Variants in NFATC1 observed in about 807,000 individuals in gnomAD.
NFATC1 encodes the protein nuclear factor of activated T cells 1, also known as nuclear factor of activated T-cells, cytoplasmic 1.
In NFATC1, 22 loss-of-function variants were observed where a neutral mutation model predicts 76.0. The observed-to-expected ratio is 0.29, with a 90% CI of 0.21 to 0.41. The LOEUF (loss-of-function observed/expected upper bound fraction) is 0.41. Among genes scored for constraint, NFATC1 ranks in the 10% least tolerant of loss-of-function variants. NFATC1 has a pLI of 1.00. For synonymous variants in NFATC1, 704 were observed against 613.1 expected, an observed-to-expected ratio of 1.15 and a Z score of -2.19; for missense variants, 1,357 against 1,337.7, an observed-to-expected ratio of 1.01 and a Z score of -0.23.
chr18:79,484,652 A>G (rs544490266), intron 8 of NFATC1, among the ~76,000 whole-genome samples: 1 of 152,346 alleles, frequency 6.6e-6, no homozygotes, highest in African/African-American at 2.4e-5. Flanking sequence ...CACAAAAGCA[A>G]CAAAATGCAG....
intron 8 of NFATC1, chr18:79,469,629 C>G: frequency 2.0e-6 from 2 of 985,960 alleles, no homozygotes; most frequent in Non-Finnish European, 2.4e-6. Flanking sequence ...CCCAGTGTCT[C>G]GGCTGCACCC....
At chr18:79,456,470 G>A (rs1435535420) in intron 6 of NFATC1, among the ~76,000 whole-genome samples, 1 of 152,208 alleles carries the variant, frequency 6.6e-6, no homozygotes, top group East Asian at 1.9e-4. Context: ...CGAGGCCCCT[G>A]CAGGCCCCGA....
At chr18:79,407,992 CT>C (rs10710744) in intron 1 of NFATC1, among the ~76,000 whole-genome samples, 80,329 of 151,994 alleles carry the variant, frequency 0.53, 21,841 homozygotes, top group East Asian at 0.83. Flanking sequence ...AGCTCTGTTT[CT>C]TTTCTCTTTG....
intron 9 of NFATC1, among the ~76,000 whole-genome samples, chr18:79,513,658 G>A (rs838055): frequency 1.3e-5 from 2 of 152,186 alleles, no homozygotes; most frequent in African/African-American, 2.4e-5. Flanking sequence ...GCATGGGGGC[G>A]GTTTCCCTTG....
chr18:79,460,216 AAGG>A (rs1158683363), intron 6 of NFATC1, among the ~76,000 whole-genome samples: 1 of 152,212 alleles, frequency 6.6e-6, no homozygotes, highest in Non-Finnish European at 1.5e-5. Context: ...AACAGAGAAA[AAGG>A]AGATTTTGTC....
At chr18:79,416,645 C>A (rs977371958) in intron 2 of NFATC1, among the ~76,000 whole-genome samples, 1 of 152,338 alleles carries the variant, frequency 6.6e-6, no homozygotes, top group African/African-American at 2.4e-5. Context: ...CCGAGGGTGT[C>A]GAGTTGCCCC....
At chr18:79,445,419 A>C (rs1168771564) in intron 3 of NFATC1, among the ~76,000 whole-genome samples, 1 of 151,674 alleles carries the variant, frequency 6.6e-6, no homozygotes, top group Non-Finnish European at 1.5e-5. Context: ...TGACAGATGC[A>C]CTCTCCTGCC....
chr18:79,523,314 G>A (rs762313348), intron 9 of NFATC1, among the ~76,000 whole-genome samples: 3 of 152,356 alleles, frequency 2.0e-5, no homozygotes, highest in African/African-American at 7.2e-5. Flanking sequence ...TGGCAGCTCC[G>A]TTCTGGCCCT....
chr18:79,490,332 C>T (rs1280197278), intron 9 of NFATC1, among the ~76,000 whole-genome samples: 1 of 150,924 alleles, frequency 6.6e-6, no homozygotes, highest in Non-Finnish European at 1.5e-5. Flanking sequence ...GGTGCAGGCT[C>T]AGGCTCTCGG....
At chr18:79,514,972 A>C (rs532885668) in intron 9 of NFATC1, among the ~76,000 whole-genome samples, 6 of 152,088 alleles carry the variant, frequency 3.9e-5, no homozygotes, top group Non-Finnish European at 8.8e-5. Flanking sequence ...TGAACCTGGG[A>C]GGTCGAGGCT....
chr18:79,485,089 C>G (rs1041842644), intron 8 of NFATC1, among the ~76,000 whole-genome samples: 13 of 152,240 alleles, frequency 8.5e-5, no homozygotes, highest in African/African-American at 3.1e-4. Context: ...GTGGTGGCGA[C>G]TGTTTGCACC....
intron 1 of NFATC1, 116 bp downstream of exon 1, chr18:79,396,467 G>T (rs1414258379): frequency 1.7e-6 from 1 of 581,796 alleles, no homozygotes; most frequent in African/African-American, 2.0e-5. Context: ...GAACGAGGTC[G>T]GCCGGGTCTG....
In NFATC1 at chr18:79,457,595, CAA is replaced by C. The variant is rs370181157; in HGVS notation, c.1904-3714_1904-3713del. Among the ~76,000 whole-genome samples, 1,234 of 152,354 alleles carry C rather than the reference CAA, an allele frequency of 8.1e-3. 12 individuals are homozygous for C. The highest frequency in any genetic ancestry group is 0.03 in the South Asian group (144 of 4,828). ...TGATCTATACACCATTTAATTCACTCAAAGTGTATAATTCGGTGGGTTTTGGT... is the reference window on the plus strand; with the variant it reads ...TGATCTATACACCATTTAATTCACTCAGTGTATAATTCGGTGGGTTTTGGT... On this transcript the variant is annotated intron_variant, in intron 6 of 9. Coordinates refer to ENST00000427363, the MANE Select transcript of NFATC1 (RefSeq NM_001278669.2).
chr18:79,508,467 C>T (rs1270665987), intron 9 of NFATC1, among the ~76,000 whole-genome samples: 3 of 152,058 alleles, frequency 2.0e-5, no homozygotes, highest in Admixed American at 1.3e-4. Flanking sequence ...TTTGTCAGAG[C>T]CTATCTGTTA....
At chr18:79,488,539 T>G (rs2145075132) in intron 9 of NFATC1, among the ~76,000 whole-genome samples, 1 of 152,298 alleles carries the variant, frequency 6.6e-6, no homozygotes, top group South Asian at 2.1e-4. Context: ...CCGTGTCCTG[T>G]GCAGATGTCG....
chr18:79,499,133 G>C (rs2083452), intron 9 of NFATC1, among the ~76,000 whole-genome samples: 11 of 152,224 alleles, frequency 7.2e-5, no homozygotes, highest in African/African-American at 2.7e-4. Flanking sequence ...AAAGGAAACT[G>C]CATAAGACAC....
At chr18:79,406,977 C>A (rs545112277) in intron 1 of NFATC1, among the ~76,000 whole-genome samples, 1 of 152,220 alleles carries the variant, frequency 6.6e-6, no homozygotes, top group Non-Finnish European at 1.5e-5. Flanking sequence ...TGTTGTCCAG[C>A]GGGTCTGATG....
intron 2 of NFATC1, among the ~76,000 whole-genome samples, chr18:79,426,425 C>T (rs936112187): frequency 2.6e-5 from 4 of 152,130 alleles, no homozygotes; most frequent in Non-Finnish European, 5.9e-5. Context: ...GTCCTCCATG[C>T]CACGTCCCAT....
At chr18:79,478,116 G>GGTGCTCCCC (rs1555914594) in intron 8 of NFATC1, among the ~76,000 whole-genome samples, 5 of 13,988 alleles carry the variant, frequency 3.6e-4, no homozygotes, top group African/African-American at 1.5e-3. Flanking sequence ...CTTGCCCCCA[G>GGTGCTCCCC]GCCCCCCCCC....
Sources: allele counts gnomAD v4.1 joint callset (sites outside exome capture counted in the v4.1 genomes callset), GRCh38; gene constraint gnomAD v4.1.1; transcripts MANE v1.5; gene names NCBI Gene and HGNC (gene_info 2026-07-23, HGNC 2026-07-21).